The following TMEM94 variants were observed in gnomAD, a reference collection of about 807,000 sequenced individuals.
TMEM94 encodes ER Mg2+ ATPase.
A neutral mutation model predicts 158.6 loss-of-function variants in TMEM94; 81 were observed. That is an observed-to-expected ratio of 0.51 (90% confidence interval 0.43 to 0.61). The LOEUF (loss-of-function observed/expected upper bound fraction) is 0.61, where lower values mean the gene tolerates loss of function less well. TMEM94 is among the 20% of genes least tolerant of loss of function. TMEM94 has a pLI of 0.00. For missense variants in TMEM94, 1,435 were observed against 1,762.0 expected (o/e 0.81, Z 3.32); for synonymous variants, 751 against 730.7 (o/e 1.03, Z -0.45).
Position 75,495,048 on chromosome 17 carries a change from CGTGGG to C in TMEM94, c.2728+21_2728+25del. ...ACCTGAATCAGGGTAAGGGCAAAGGCGTGGGGTGGGGACGGGGTGGCGGTGGGAGG... is the reference window on the plus strand; with the variant it reads ...ACCTGAATCAGGGTAAGGGCAAAGGCGTGGGGACGGGGTGGCGGTGGGAGG... On this transcript the variant is annotated intron_variant, in intron 20 of 31. Transcript: ENST00000314256. This position sits in a 1 kb window ranked among gnomAD's most constrained non-coding sequence, Gnocchi z 5.6. The C allele has an allele frequency of 1.2e-6, 1 of 830,314 alleles. No individual in the cohort carries two copies. The highest frequency in any genetic ancestry group is 1.9e-6 in the Non-Finnish European group (1 of 532,618). 51.4% of individuals were successfully genotyped at this position (830,314 alleles called of 1,614,324 possible).
chr17:75,477,933 C>T (rs1025568207), intron 2 of TMEM94, among the ~76,000 whole-genome samples: 1 of 148,020 alleles, frequency 6.8e-6, no homozygotes, highest in Admixed American at 6.7e-5. Context: ...CGCTTGAACC[C>T]GAGAGACGGA....
At chr17:75,494,398 G>T (rs2052493198) in intron 18 of TMEM94, among the ~76,000 whole-genome samples, 1 of 152,242 alleles carries the variant, frequency 6.6e-6, no homozygotes, top group Non-Finnish European at 1.5e-5. Flanking sequence ...CTGGGCAGGA[G>T]CTGAAGCCAC....
At chr17:75,459,714 C>T (rs1388126097) in intron 1 of TMEM94, 2 of 152,144 alleles carry the variant, frequency 1.3e-5, no homozygotes, top group Non-Finnish European at 2.9e-5. Context: ...CGCCATAAAG[C>T]CTTTAAGTCC....
At position 75,462,011 on chromosome 17, in the gene TMEM94, G is replaced by GTT. The variant is rs1156728166; in HGVS notation, c.-107+5273_-107+5274dup. On this transcript the variant is annotated intron_variant, in intron 1 of 31. Coordinates refer to ENST00000314256, the MANE Select transcript of TMEM94 (RefSeq NM_014738.6). ...AGTTTTTTTTGTTTTGTTTTGTTTT[G>GTT]TTTTTTTTTTTTTTGAGGCAGAGTC... Among the ~76,000 whole-genome samples, 64 of 92,878 alleles carry GTT rather than the reference G, an allele frequency of 6.9e-4. 3 individuals carry two copies. Among genetic ancestry groups the GTT allele is most frequent in the African/African-American group, 1.3e-3 (25 of 19,950 alleles). The allele number at this position is 92,878 out of a possible 152,430, so 60.9% of individuals were successfully genotyped here.
At chr17:75,482,303 GCCA>G (rs2051223933) in intron 2 of TMEM94, among the ~76,000 whole-genome samples, 1 of 151,718 alleles carries the variant, frequency 6.6e-6, no homozygotes, top group Non-Finnish European at 1.5e-5. Flanking sequence ...CTGAGATTGC[GCCA>G]CTGCACTCCA....
intron 16 of TMEM94, 119 bp from the exon 17 acceptor site, chr17:75,493,372 A>T: frequency 9.8e-7 from 1 of 1,015,466 alleles, no homozygotes; most frequent in Non-Finnish European, 1.5e-6. Context: ...AGTCCCAGGG[A>T]GTCTCCTCCT....
rs2053116803 is a variant in TMEM94, at chr17:75,499,710, C to CTT, written c.*376_*377insTT. 4.7e-6 allele frequency: 1 copy of CTT among 210,602 alleles called. No homozygotes were observed. Among genetic ancestry groups the CTT allele is most frequent in the Non-Finnish European group, 9.7e-6 (1 of 103,280 alleles). 13.0% of individuals were successfully genotyped at this position (210,602 alleles called of 1,614,324 possible). On this transcript the variant is annotated 3_prime_UTR_variant, in exon 32 of 32. Transcript: ENST00000314256. ...GCCTCTGCTCGTGGGTCCCTGGACA[C>CTT]GGCCTTGAAGCCAACCTTCTTTGGA...
Position 75,495,004 on chromosome 17 carries a change from G to A in TMEM94, c.2698G>A (p.Ala900Thr), listed in dbSNP as rs375039113. The change falls in exon 20 of 32, where the codon GCA becomes ACA. Residue 900 changes from alanine to threonine, a missense_variant. By Grantham distance (58) the Ala-to-Thr change is moderately conservative (BLOSUM62 0). Around this residue, in one of 3 missense-constraint regions of TMEM94, gnomAD observed 1,051 missense variants for 1,254.4 expected, o/e 0.84. Coordinates refer to ENST00000314256, the MANE Select transcript of TMEM94 (RefSeq NM_014738.6). The surrounding 1 kb of genome is among the most constrained non-coding windows in gnomAD (Gnocchi z 5.6). Reference protein sequence around the residue: ...SEIPPSSPSHAGSLHDDLNQV... With the variant: ...SEIPPSSPSHTGSLHDDLNQV... ...GATCCCCCCCTCCAGCCCCAGCCAC[G>A]CAGGCTCCCTGCATGATGACCTGAA... 17 of 1,612,898 alleles carry A rather than the reference G, an allele frequency of 1.1e-5. No homozygotes were observed. In the East Asian group the frequency reaches 2.9e-4, roughly 27 times the overall value.
In TMEM94 at chr17:75,485,481, G is replaced by C; in HGVS notation, c.78G>C (p.Leu26=). ...CCACGCGGAAGGCCCTCAGCGTCCTGAAGGAGCAGCTGGAGGCAGTGCTGG... is the reference window on the plus strand; with the variant it reads ...CCACGCGGAAGGCCCTCAGCGTCCTCAAGGAGCAGCTGGAGGCAGTGCTGG... ...GLSTRKALSV[L]KEQLEAVLEG... Residue 26 remains leucine, a synonymous_variant, in exon 3 of 32, where the codon CTG becomes CTC. Transcript: ENST00000314256. This position sits in a 1 kb window ranked among gnomAD's most constrained non-coding sequence, Gnocchi z 5.5. The C allele has an allele frequency of 6.2e-7, 1 of 1,614,200 alleles. No individual in the cohort carries two copies. Among genetic ancestry groups the C allele is most frequent in the Non-Finnish European group, 8.5e-7 (1 of 1,180,022 alleles).
Position 75,487,856 on chromosome 17 carries a change from C to T in TMEM94, c.410-76C>T, listed in dbSNP as rs188925439. ...AGAGGAAGTGGGCAGACAGTGCTTCCGGAAGTGCTGCTGTATCTGACTGGG... is the reference window on the plus strand; with the variant it reads ...AGAGGAAGTGGGCAGACAGTGCTTCTGGAAGTGCTGCTGTATCTGACTGGG... On this transcript the variant is annotated intron_variant, in intron 5 of 31. Coordinates refer to ENST00000314256, the MANE Select transcript of TMEM94 (RefSeq NM_014738.6). The surrounding 1 kb of genome is among the most constrained non-coding windows in gnomAD (Gnocchi z 4.6). The T allele has an allele frequency of 9.3e-5, 117 of 1,258,880 alleles. No homozygotes were observed. Among genetic ancestry groups the T allele is most frequent in the African/African-American group, 8.8e-4 (60 of 67,844 alleles). 78.0% of individuals were successfully genotyped at this position (1,258,880 alleles called of 1,614,324 possible).
intron 2 of TMEM94, among the ~76,000 whole-genome samples, chr17:75,473,032 G>C (rs191588958): frequency 1.3e-5 from 2 of 152,232 alleles, no homozygotes; most frequent in Non-Finnish European, 2.9e-5. Flanking sequence ...CACCGAGCCT[G>C]GCATGTAGCA....
chr17:75,469,490 G>A (rs981081239), intron 1 of TMEM94, among the ~76,000 whole-genome samples: 7 of 151,290 alleles, frequency 4.6e-5, no homozygotes, highest in Non-Finnish European at 7.4e-5. Flanking sequence ...GATTACAGGC[G>A]CCCACCACCA....
intron 1 of TMEM94, among the ~76,000 whole-genome samples, chr17:75,466,448 C>A (rs1269856143): frequency 6.6e-6 from 1 of 152,102 alleles, no homozygotes; most frequent in East Asian, 1.9e-4. Context: ...ATTCTTGGTC[C>A]TTTATCTTTC....
intron 2 of TMEM94, among the ~76,000 whole-genome samples, chr17:75,482,909 C>G (rs577738483): frequency 2.0e-5 from 3 of 152,220 alleles, no homozygotes; most frequent in Non-Finnish European, 2.9e-5. Context: ...TGCAGTCTGG[C>G]GGGAGAGCCA....
At position 75,498,275 on chromosome 17, in the gene TMEM94, G is replaced by T; in HGVS notation, c.3590G>T (p.Ser1197Ile). The change falls in exon 28 of 32, where the codon AGC (serine) becomes ATC (isoleucine). Residue 1197 changes from serine to isoleucine, a missense_variant. Ser to Ile is a moderately radical substitution (Grantham distance 142). Around this residue, in one of 3 missense-constraint regions of TMEM94, gnomAD observed 335 missense variants for 409.1 expected, o/e 0.82. Transcript: ENST00000314256. This position sits in a 1 kb window ranked among gnomAD's most constrained non-coding sequence, Gnocchi z 6.7. ...FGFTLQSFCD[S>I]SRDRNLTNCS... ...TTCACACTGCAGAGCTTCTGTGACA[G>T]CTCCCGGGACCGCAACCTCACCAAC... 6.2e-7 allele frequency: 1 copy of T among 1,613,470 alleles called. No homozygotes were observed. The highest frequency in any genetic ancestry group is 1.1e-5 in the South Asian group (1 of 91,090).
At position 75,485,998 on chromosome 17, in the gene TMEM94, G is replaced by C. The variant is rs753261261; in HGVS notation, c.272G>C (p.Ser91Thr). The C allele has an allele frequency of 1.2e-6, 2 of 1,600,288 alleles. No individual in the cohort carries two copies. The highest frequency in any genetic ancestry group is 1.7e-6 in the Non-Finnish European group (2 of 1,175,484). ...LGCCGGQPAG[S>T]RGVGLVNASA... ...TGCTGCGGGGGACAGCCAGCCGGGA[G>C]GTGTGCGCCCAGGGGCTGCTCCCCA... Residue 91 changes from serine to threonine, a missense_variant and splice_region_variant, in exon 4 of 32, where the codon AGC becomes ACC. Transcript: ENST00000314256. This position sits in a 1 kb window ranked among gnomAD's most constrained non-coding sequence, Gnocchi z 5.5.
rs766149806 is a variant in TMEM94 at position 75,492,937 on chromosome 17, C to T, written c.1921C>T (p.Pro641Ser). The change falls in exon 16 of 32, where the codon CCT (proline) becomes TCT (serine). Residue 641 changes from proline to serine, a missense_variant. Around this residue, in one of 3 missense-constraint regions of TMEM94, gnomAD observed 1,051 missense variants for 1,254.4 expected, o/e 0.84. Coordinates refer to ENST00000314256, the MANE Select transcript of TMEM94 (RefSeq NM_014738.6). This position sits in a 1 kb window ranked among gnomAD's most constrained non-coding sequence, Gnocchi z 4.4. ...TGTTCCCCGCCCTGCAGGCTTCACT[C>T]CTGGGGCCAAGGAGCTTTTCAAGCA... is the stretch of plus-strand genomic sequence containing the variant. ...CELARLIGFT[P>S]GAKELFKQEN... 1.9e-6 allele frequency: 3 copies of T among 1,612,830 alleles called. No homozygotes were observed. The highest frequency in any genetic ancestry group is 2.5e-6 in the Non-Finnish European group (3 of 1,179,412).
At position 75,494,749 on chromosome 17, in the gene TMEM94, C is replaced by T; in HGVS notation, c.2530C>T (p.Leu844Phe). 1.2e-6 allele frequency: 2 copies of T among 1,613,690 alleles called. No homozygotes were observed. The highest frequency in any genetic ancestry group is 1.7e-6 in the Non-Finnish European group (2 of 1,180,034). The change falls in exon 19 of 32, where the codon CTT becomes TTT. Residue 844 changes from leucine to phenylalanine, a missense_variant. Transcript: ENST00000314256. ...RLDIVRLIDG[L>F]VNACIRFVYF... The stretch of plus-strand genomic sequence containing the variant: ...GGACATCGTGCGCCTCATTGATGGG[C>T]TTGTCAACGCCTGCATCCGCTTTGT...
chr17:75,489,339 A>G lies in TMEM94; in HGVS notation c.838A>G (p.Met280Val). 6.2e-7 allele frequency: 1 copy of G among 1,614,162 alleles called. No homozygotes were observed. The highest frequency in any genetic ancestry group is 1.3e-5 in the African/African-American group (1 of 75,048). ...TGAGCGGTTCACAGTGCAGTCGGTG[A>G]TGCTACACTATGCTGTGCCCGTGGT... ...DNERFTVQSVMLHYAVPVVLA... is the reference protein window; with the variant it reads ...DNERFTVQSVVLHYAVPVVLA... The change falls in exon 8 of 32, where the codon ATG becomes GTG. Residue 280 changes from methionine (M) to valine (V), a missense_variant. Around this residue, in one of 3 missense-constraint regions of TMEM94, gnomAD observed 1,051 missense variants for 1,254.4 expected, o/e 0.84. Transcript: ENST00000314256. This position sits in a 1 kb window ranked among gnomAD's most constrained non-coding sequence, Gnocchi z 5.0.
Sources: gnomAD v4.1 joint callset for allele counts (sites outside exome capture counted in the v4.1 genomes callset) on GRCh38, gnomAD v4.1.1 for gene constraint, gnomAD v4.1.1 regional missense constraint, Gnocchi (gnomAD v3.1) non-coding constraint, MANE v1.5 for transcripts, NCBI Gene and HGNC (gene_info 2026-07-23, HGNC 2026-07-21) for gene names.